Variants in HM13 observed in about 807,000 individuals in gnomAD.
HM13 encodes the protein signal peptide peptidase.
A neutral mutation model predicts 50.0 loss-of-function variants in HM13; 18 were observed. The observed-to-expected ratio is 0.36, with a 90% CI of 0.25 to 0.53. The LOEUF is 0.53. Ranked by LOEUF, HM13 falls within the 20% of genes least tolerant of loss-of-function variation. The pLI, the probability that HM13 is intolerant of heterozygous loss-of-function variation, is 0.90. For missense variants in HM13, 393 were observed against 552.4 expected, an observed-to-expected ratio of 0.71 and a Z score of 2.89; for synonymous variants, 197 against 232.6, an observed-to-expected ratio of 0.85 and a Z score of 1.39.
At chr20:31,544,111 A>C (rs1431229625) in intron 3 of HM13, among the ~76,000 whole-genome samples, 1 of 152,204 alleles carries the variant, frequency 6.6e-6, no homozygotes, top group East Asian at 1.9e-4. Context: ...ACAGATGAGA[A>C]GATTGAGGTC....
intron 4 of HM13, among the ~76,000 whole-genome samples, chr20:31,546,933 T>C (rs1273891188): frequency 5.3e-5 from 8 of 151,780 alleles, no homozygotes; most frequent in South Asian, 2.1e-4. Context: ...AAAAAATAAA[T>C]AAATAAAACA....
chr20:31,540,932 A>G (rs138185573), intron 3 of HM13: 1 of 151,734 alleles, frequency 6.6e-6, no homozygotes, highest in East Asian at 1.9e-4. Flanking sequence ...ATGAGTCAAG[A>G]TCGCACCACT....
intron 1 of HM13, 83 bp from the exon 2 acceptor site, chr20:31,527,401 C>A: frequency 2.1e-6 from 2 of 943,630 alleles, no homozygotes; most frequent in South Asian, 1.5e-5. Flanking sequence ...GCATCCCTAG[C>A]CAAGGGAATA....
intron 3 of HM13, chr20:31,541,118 A>T (rs1363717349): frequency 1.3e-5 from 2 of 152,160 alleles, no homozygotes; most frequent in Non-Finnish European, 2.9e-5. Flanking sequence ...CTAGAAACTA[A>T]CAGAAGAATA....
At chr20:31,542,637 A>G (rs1407911888) in intron 3 of HM13, among the ~76,000 whole-genome samples, 1 of 152,166 alleles carries the variant, frequency 6.6e-6, no homozygotes, top group Non-Finnish European at 1.5e-5. Context: ...TCTATTCTCA[A>G]GTCCACAGGC....
intron 1 of HM13, among the ~76,000 whole-genome samples, chr20:31,516,065 G>A (rs991889731): frequency 2.0e-5 from 3 of 152,236 alleles, no homozygotes; most frequent in African/African-American, 7.2e-5. Flanking sequence ...GTAGTTAGGC[G>A]GGGCTTAGGC....
intron 3 of HM13, chr20:31,539,393 T>C (rs1983304777): frequency 4.1e-6 from 4 of 985,468 alleles, no homozygotes; most frequent in Non-Finnish European, 4.8e-6. Flanking sequence ...TGAACTTAGC[T>C]TTCTTTGAAG....
chr20:31,541,299 G>A (rs2122599510), intron 3 of HM13: 1 of 152,240 alleles, frequency 6.6e-6, no homozygotes, highest in East Asian at 1.9e-4. Context: ...TGGGCAACAT[G>A]TTGAGACCCT....
intron 2 of HM13, among the ~76,000 whole-genome samples, chr20:31,536,101 G>A (rs530615696): frequency 1.2e-4 from 19 of 152,206 alleles, no homozygotes; most frequent in African/African-American, 4.1e-4. Flanking sequence ...GGTGGGTCAC[G>A]CCTGTAATCC....
intron 4 of HM13, chr20:31,548,054 CAGAA>C (rs1193356355): frequency 1.9e-6 from 3 of 1,552,998 alleles, no homozygotes; most frequent in Non-Finnish European, 2.7e-6. Context: ...AAATGAGCCT[CAGAA>C]GGAATGCATT....
chr20:31,524,612 C>T (rs1218532699), intron 1 of HM13, among the ~76,000 whole-genome samples: 2 of 150,136 alleles, frequency 1.3e-5, no homozygotes, highest in Non-Finnish European at 3.0e-5. Flanking sequence ...AGACAAAAAA[C>T]AGAATCTCAG....
chr20:31,548,811 C>T (rs775750385), intron 4 of HM13: 165 of 589,020 alleles, frequency 2.8e-4, no homozygotes, highest in Admixed American at 1.1e-3. Flanking sequence ...TCTCTCTGGG[C>T]CTCCATTCCC....
rs1168859802 is a variant in HM13, at chr20:31,569,278, C to A, written c.*59C>A. On this transcript the variant is annotated 3_prime_UTR_variant, in exon 13 of 13. Transcript: ENST00000398174. ...CAGACAGATGGGGGCTGGGCCCACA[C>A]AGGCGTGCACCGGTAGAGGGCACAG... is the stretch of plus-strand genomic sequence containing the variant. 1 of 1,213,458 alleles carries A rather than the reference C, an allele frequency of 8.2e-7. No homozygotes were observed. The highest frequency in any genetic ancestry group is 1.2e-6 in the Non-Finnish European group (1 of 843,614). 75.2% of individuals were successfully genotyped at this position (1,213,458 alleles called of 1,614,324 possible). A position where few individuals can be genotyped will look rare whatever the true frequency, so the allele number is the denominator to read the frequency against.
intron 8 of HM13, among the ~76,000 whole-genome samples, chr20:31,558,153 CTCTT>C (rs911655837): frequency 1.4e-4 from 21 of 152,332 alleles, no homozygotes; most frequent in African/African-American, 3.8e-4. Flanking sequence ...TCCGGGATGT[CTCTT>C]TCTTTTTCTT....
At chr20:31,538,602 G>A (rs1983257524) in intron 3 of HM13, 2 of 1,259,634 alleles carry the variant, frequency 1.6e-6, no homozygotes. Context: ...CTAGCTGTGT[G>A]CTAAGTGCCA....
intron 8 of HM13, among the ~76,000 whole-genome samples, chr20:31,558,561 G>A (rs1286425532): frequency 1.3e-5 from 2 of 149,020 alleles, no homozygotes; most frequent in South Asian, 4.2e-4. Flanking sequence ...TCCTCCTGGC[G>A]TGTGGCATTT....
At chr20:31,557,018 CAAA>C (rs11479053) in intron 8 of HM13, among the ~76,000 whole-genome samples, 9 of 100,430 alleles carry the variant, frequency 9.0e-5, no homozygotes, top group Non-Finnish European at 6.7e-5. Context: ...GACTCCATCT[CAAA>C]AAAAAAAAAA....
rs932524491 is a variant in HM13 at position 31,518,561 on chromosome 20, G to T, written c.183+3827G>T. On this transcript the variant is annotated intron_variant, in intron 1 of 12. Coordinates refer to ENST00000398174, the MANE Select transcript of HM13 (RefSeq NM_178581.3). ...CTCGGGAGGCTGAGGCACAAGAATC[G>T]CTTGAACCCGGGAGGCACAGGTTGC... 2.0e-4 allele frequency among the ~76,000 whole-genome samples: 30 copies of T among 151,512 alleles called. 1 individual carries two copies. Among genetic ancestry groups the T allele is most frequent in the Admixed American group, 2.0e-3 (30 of 15,194 alleles).
intron 3 of HM13, 124 bp from the exon 4 acceptor site, chr20:31,544,823 G>T (rs6059899): frequency 0.17 from 128,395 of 743,394 alleles, 15,902 homozygotes; most frequent in African/African-American, 0.51. Flanking sequence ...CTGTAGAGTG[G>T]GAACAGTAAC....
Sources: gnomAD v4.1 joint callset for allele counts (sites outside exome capture counted in the v4.1 genomes callset) on GRCh38, gnomAD v4.1.1 for gene constraint, MANE v1.5 for transcripts, NCBI Gene and HGNC (gene_info 2026-07-23, HGNC 2026-07-21) for gene names.